ADAMTS9: variants seen among roughly 807,000 people sequenced by gnomAD.
ADAMTS9 encodes the protein ADAM metallopeptidase with thrombospondin type 1 motif 9, also known as A disintegrin and metalloproteinase with thrombospondin motifs 9.
In ADAMTS9, 107 loss-of-function variants were observed where a neutral mutation model predicts 257.1. The observed-to-expected ratio is 0.42, with a 90% CI of 0.36 to 0.49. The LOEUF (loss-of-function observed/expected upper bound fraction) is 0.49, where lower values mean the gene tolerates loss of function less well. ADAMTS9 is among the 20% of genes least tolerant of loss of function. The pLI, the probability that ADAMTS9 is intolerant of heterozygous loss-of-function variation, is 0.03. For synonymous variants in ADAMTS9, 982 were observed against 880.9 expected (o/e 1.11, Z -2.03); for missense variants, 2,353 against 2,469.1 (o/e 0.95, Z 1.00).
intron 29 of ADAMTS9, chr3:64,563,258 TAG>T (rs1329880865): frequency 6.6e-6 from 1 of 152,198 alleles, no homozygotes; most frequent in African/African-American, 2.4e-5. Context: ...TGTAACATGA[TAG>T]AGTTACCCCA....
At chr3:64,532,577 T>C (rs1285576707) in intron 38 of ADAMTS9, among the ~76,000 whole-genome samples, 1 of 152,192 alleles carries the variant, frequency 6.6e-6, no homozygotes, top group East Asian at 1.9e-4. Context: ...CTGTAGACTC[T>C]GACTCACTAG....
At chr3:64,604,374 C>A in intron 23 of ADAMTS9, 43 bp from the exon 24 acceptor site, 3 of 1,382,140 alleles carry the variant, frequency 2.2e-6, no homozygotes, top group South Asian at 2.7e-5. Context: ...ACTTTCAAGT[C>A]AATGCACTTT....
chr3:64,598,302 C>T (rs1382573806), intron 26 of ADAMTS9, among the ~76,000 whole-genome samples: 1 of 149,500 alleles, frequency 6.7e-6, no homozygotes, highest in African/African-American at 2.5e-5. Context: ...CTCTAAATCT[C>T]AAAATATTCA....
intron 19 of ADAMTS9, among the ~76,000 whole-genome samples, chr3:64,618,471 G>C (rs945762016): frequency 6.6e-6 from 1 of 152,142 alleles, no homozygotes; most frequent in African/African-American, 2.4e-5. Flanking sequence ...TTACAGCTAG[G>C]TATTGTGACA....
chr3:64,533,408 A>G (rs913275951), intron 37 of ADAMTS9, 138 bp from the exon 38 acceptor site: 3 of 682,260 alleles, frequency 4.4e-6, no homozygotes, highest in Non-Finnish European at 7.6e-6. Context: ...AATTATTGAT[A>G]GTATTTAGTT....
intron 23 of ADAMTS9, 105 bp downstream of exon 23, chr3:64,606,855 C>A: frequency 7.0e-7 from 1 of 1,433,138 alleles, no homozygotes; most frequent in Non-Finnish European, 9.6e-7. Context: ...GGTTGCTCTA[C>A]TGACATACTT....
At chr3:64,637,308 A>G (rs1700525127) in intron 12 of ADAMTS9, among the ~76,000 whole-genome samples, 1 of 152,208 alleles carries the variant, frequency 6.6e-6, no homozygotes, top group Non-Finnish European at 1.5e-5. Flanking sequence ...AAATATTGAA[A>G]ATAATAGGAA....
chr3:64,616,197 A>G, intron 19 of ADAMTS9, 27 bp from the exon 20 acceptor site: 1 of 1,610,220 alleles, frequency 6.2e-7, no homozygotes, highest in Non-Finnish European at 8.5e-7. Flanking sequence ...GGGCAAAACC[A>G]ACATTTCTGT....
At chr3:64,626,202 A>G (rs1700216708) in intron 16 of ADAMTS9, among the ~76,000 whole-genome samples, 1 of 152,154 alleles carries the variant, frequency 6.6e-6, no homozygotes, top group Admixed American at 6.5e-5. Flanking sequence ...ACACTTCTAT[A>G]AGGTAGTGTC....
intron 23 of ADAMTS9, among the ~76,000 whole-genome samples, chr3:64,606,727 CAATAGG>C (rs755208149): frequency 5.3e-5 from 8 of 152,034 alleles, no homozygotes; most frequent in Non-Finnish European, 8.8e-5. Context: ...ATTCATCATC[CAATAGG>C]AATCAAAAGC....
chr3:64,539,359 C>G, intron 36 of ADAMTS9, 65 bp from the exon 37 acceptor site: 1 of 1,350,760 alleles, frequency 7.4e-7, no homozygotes, highest in Non-Finnish European at 1.1e-6. Flanking sequence ...AAGGAAGGAA[C>G]AGGACATTAA....
At chr3:64,679,576 C>T (rs1701703348) in intron 3 of ADAMTS9, among the ~76,000 whole-genome samples, 1 of 152,054 alleles carries the variant, frequency 6.6e-6, no homozygotes, top group Non-Finnish European at 1.5e-5. Flanking sequence ...CCTGTAGCCG[C>T]TTTAGGGGAG....
intron 19 of ADAMTS9, 125 bp downstream of exon 19, chr3:64,620,989 A>G (rs1476682203): frequency 8.1e-7 from 1 of 1,230,110 alleles, no homozygotes; most frequent in Non-Finnish European, 1.1e-6. Flanking sequence ...GTTAAAGCTT[A>G]TTTCACTGAA....
intron 19 of ADAMTS9, among the ~76,000 whole-genome samples, 154 bp downstream of exon 19, chr3:64,620,960 C>G (rs577786824): frequency 1.1e-4 from 17 of 152,236 alleles, no homozygotes; most frequent in Non-Finnish European, 1.9e-4. Context: ...ATAATCAGTT[C>G]CAGAGGGATG....
rs192038775 is a variant in ADAMTS9 at position 64,603,827 on chromosome 3, A to G, written c.3747+95T>C. 351 of 1,340,912 alleles carry G rather than the reference A, an allele frequency of 2.6e-4. 2 individuals carry two copies. In the African/African-American group the frequency reaches 4.6e-3, roughly 17 times the overall value. The allele number at this position is 1,340,912 out of a possible 1,614,324, so 83.1% of individuals were successfully genotyped here. A position where few individuals can be genotyped will look rare whatever the true frequency, so the allele number is the denominator to read the frequency against. On this transcript the variant is annotated intron_variant, in intron 25 of 39. Coordinates refer to ENST00000498707, the MANE Select transcript of ADAMTS9 (RefSeq NM_182920.2). ...CAAATCCAGCTCTGAAATATTACCC[A>G]TTGACATTTCCAAGTGGCGCCCCCC... is the stretch of plus-strand genomic sequence containing the variant.
At chr3:64,606,030 T>C (rs1263624477) in intron 23 of ADAMTS9, among the ~76,000 whole-genome samples, 1 of 152,202 alleles carries the variant, frequency 6.6e-6, no homozygotes, top group African/African-American at 2.4e-5. Context: ...TGAATGTTAG[T>C]TGATATTTTC....
At chr3:64,648,901 A>G (rs540234226) in intron 10 of ADAMTS9, among the ~76,000 whole-genome samples, 3 of 152,232 alleles carry the variant, frequency 2.0e-5, no homozygotes, top group Non-Finnish European at 4.4e-5. Flanking sequence ...GCCATGAATC[A>G]AGTTTACTCA....
In ADAMTS9 at chr3:64,622,159, ACTT is replaced by A. The variant is rs767501355; in HGVS notation, c.2686+36_2686+38del. ...AAAAATAAATAAATAAATAAAATAA[ACTT>A]CTCAAATCCCCAGAACTCAAATTCA... On this transcript the variant is annotated intron_variant, in intron 18 of 39. Transcript: ENST00000498707. 16 of 1,559,714 alleles carry A rather than the reference ACTT, an allele frequency of 1.0e-5. No individual in the cohort carries two copies. The South Asian group carries it at 1.6e-4, about 16-fold the overall frequency.
Position 64,657,491 on chromosome 3 carries a change from A to G in ADAMTS9, c.969+1011T>C, listed in dbSNP as rs80090593. The stretch of plus-strand genomic sequence containing the variant: ...CCTGAGCCTACTATAGGTATATGCC[A>G]CTACACCTGGCTAATTGGTTTTTTT... On this transcript the variant is annotated intron_variant, in intron 4 of 39. Transcript: ENST00000498707. Among the ~76,000 whole-genome samples the G allele has an allele frequency of 3.3e-3, 492 of 147,272 alleles. 9 individuals carry two copies. The East Asian group carries it at 0.05, about 15-fold the overall frequency.
Sources: allele counts gnomAD v4.1 joint callset (sites outside exome capture counted in the v4.1 genomes callset), GRCh38; gene constraint gnomAD v4.1.1; transcripts MANE v1.5; gene names NCBI Gene and HGNC (gene_info 2026-07-23, HGNC 2026-07-21).